DACH2: variants seen among roughly 807,000 people sequenced by gnomAD.
DACH2 encodes dachshund homolog 2.
DACH2 carries 17 observed loss-of-function variants against 35.8 expected under a neutral mutation model. That is an observed-to-expected ratio of 0.48 (90% CI 0.33 to 0.71). DACH2 has a LOEUF of 0.71. Ranked by LOEUF, DACH2 falls within the 30% of genes least tolerant of loss-of-function variation. The probability of loss-of-function intolerance (pLI) is 0.02; values close to 1 mark genes in which losing one functional copy is unlikely to be tolerated. For synonymous variants in DACH2, 195 were observed against 177.3 expected, an observed-to-expected ratio of 1.10 and a Z score of -0.79; for missense variants, 469 against 472.7, an observed-to-expected ratio of 0.99 and a Z score of 0.07.
chrX:86,220,949 C>A (rs2032696432), intron 1 of DACH2, among the ~76,000 whole-genome samples: 2 of 111,779 alleles, frequency 1.8e-5, no homozygotes, highest in East Asian at 2.8e-4. Context: ...TTTTGATGTG[C>A]ATTTCCCTGA....
chrX:86,701,084 C>T (rs2041137099), intron 5 of DACH2, among the ~76,000 whole-genome samples: 1 of 111,158 alleles, frequency 9.0e-6, no homozygotes, highest in Non-Finnish European at 1.9e-5. Flanking sequence ...GGACAATATC[C>T]TTGATGAACA....
chrX:86,467,235 C>A (rs911395729), intron 2 of DACH2, among the ~76,000 whole-genome samples: 2 of 111,427 alleles, frequency 1.8e-5, no homozygotes, highest in Admixed American at 9.6e-5. Context: ...TTAGAAATTT[C>A]TTCCACCAAA....
chrX:86,286,288 C>T (rs1438012838), intron 1 of DACH2, among the ~76,000 whole-genome samples: 13 of 107,914 alleles, frequency 1.2e-4, no homozygotes, highest in African/African-American at 3.7e-4. Context: ...CCACCGCGCC[C>T]GGCTAATTTT....
chrX:86,175,692 A>G (rs5922230), intron 1 of DACH2, among the ~76,000 whole-genome samples: 35,408 of 110,495 alleles, frequency 0.32, 4,588 homozygotes, highest in Middle Eastern at 0.46. Flanking sequence ...TACAAGTAGA[A>G]GTATCTTCCT....
chrX:86,643,548 A>G (rs373563371), intron 3 of DACH2, among the ~76,000 whole-genome samples: 3 of 111,554 alleles, frequency 2.7e-5, no homozygotes, highest in African/African-American at 9.8e-5. Flanking sequence ...AAGAGCTCAC[A>G]CAATTTCTGC....
intron 3 of DACH2, among the ~76,000 whole-genome samples, chrX:86,515,637 T>C (rs1316780212): frequency 8.9e-6 from 1 of 112,340 alleles, no homozygotes; most frequent in African/African-American, 3.2e-5. Context: ...CCAAAGTGTC[T>C]TTCAGGACTT....
chrX:86,695,187 T>C lies in DACH2; in HGVS notation c.931+8T>C. On this transcript the variant is annotated splice_region_variant and intron_variant, in intron 5 of 11. Coordinates refer to ENST00000373125, the MANE Select transcript of DACH2 (RefSeq NM_053281.3). ...ACCACCTGCTAACCAATAGTATGTA[T>C]ACTGTCCTCACAAAACTGGGTGTGT... is the stretch of plus-strand genomic sequence containing the variant. 5 of 1,006,552 alleles carry C rather than the reference T, an allele frequency of 5.0e-6. No homozygotes were observed. Among genetic ancestry groups the C allele is most frequent in the Non-Finnish European group, 6.4e-6 (5 of 784,632 alleles). 83.0% of individuals were successfully genotyped at this position (1,006,552 alleles called of 1,213,427 possible).
intron 2 of DACH2, among the ~76,000 whole-genome samples, chrX:86,398,035 G>C (rs752163565): frequency 4.5e-5 from 5 of 111,715 alleles, no homozygotes; most frequent in African/African-American, 1.6e-4. Flanking sequence ...TTTTTGGTTG[G>C]TAAGCTATTA....
chrX:86,632,024 C>T (rs375841950), intron 3 of DACH2, among the ~76,000 whole-genome samples: 29 of 111,380 alleles, frequency 2.6e-4, no homozygotes, highest in East Asian at 2.5e-3. Flanking sequence ...TCATAAAGGA[C>T]CTTAAGGACA....
At chrX:86,526,068 G>T (rs2038627260) in intron 3 of DACH2, among the ~76,000 whole-genome samples, 1 of 111,655 alleles carries the variant, frequency 9.0e-6, no homozygotes, top group Non-Finnish European at 1.9e-5. Flanking sequence ...CCTGACAAAT[G>T]ATAAGCTGCC....
At chrX:86,659,047 A>G (rs1184144624) in intron 4 of DACH2, among the ~76,000 whole-genome samples, 4 of 111,400 alleles carry the variant, frequency 3.6e-5, no homozygotes, top group Admixed American at 9.6e-5. Flanking sequence ...GCAAAGTTGA[A>G]TTAGAAAATC....
At chrX:86,603,989 A>G (rs1291553897) in intron 3 of DACH2, among the ~76,000 whole-genome samples, 1 of 111,302 alleles carries the variant, frequency 9.0e-6, no homozygotes, top group Non-Finnish European at 1.9e-5. Context: ...GTTTCCTTAA[A>G]TTACAATCAG....
At chrX:86,713,497 G>C (rs569513301) in intron 5 of DACH2, among the ~76,000 whole-genome samples, 2 of 111,638 alleles carry the variant, frequency 1.8e-5, no homozygotes, top group African/African-American at 6.5e-5. Flanking sequence ...CATAAATGCT[G>C]TCCACCATAG....
chrX:86,241,789 C>A (rs772811883), intron 1 of DACH2, among the ~76,000 whole-genome samples: 20 of 112,328 alleles, frequency 1.8e-4, no homozygotes, highest in African/African-American at 6.1e-4. Context: ...AGCCTTGGAA[C>A]ATGATGCCCT....
At chrX:86,300,609 A>G (rs1243663608) in intron 1 of DACH2, among the ~76,000 whole-genome samples, 1 of 110,962 alleles carries the variant, frequency 9.0e-6, no homozygotes, top group East Asian at 2.8e-4. Context: ...TGGGTGCAGC[A>G]CACCAACATG....
At chrX:86,196,818 C>A (rs1325668449) in intron 1 of DACH2, among the ~76,000 whole-genome samples, 1 of 108,464 alleles carries the variant, frequency 9.2e-6, no homozygotes, top group African/African-American at 3.4e-5. Flanking sequence ...GAGAGTACAA[C>A]CAACTTCTAA....
At chrX:86,330,058 A>G (rs12388064) in intron 1 of DACH2, among the ~76,000 whole-genome samples, 24,050 of 111,255 alleles carry the variant, frequency 0.22, 3,287 homozygotes, top group African/African-American at 0.51. Flanking sequence ...GAACTTTTCT[A>G]AGCACACAAG....
intron 1 of DACH2, among the ~76,000 whole-genome samples, chrX:86,228,181 A>C (rs1434076484): frequency 9.1e-6 from 1 of 109,849 alleles, no homozygotes; most frequent in Non-Finnish European, 1.9e-5. Context: ...GTGTCCTCAT[A>C]GCTTAGCTCC....
intron 4 of DACH2, among the ~76,000 whole-genome samples, chrX:86,689,599 A>G (rs987377049): frequency 8.9e-6 from 1 of 111,799 alleles, no homozygotes; most frequent in Non-Finnish European, 1.9e-5. Context: ...AGCTCGATTT[A>G]GGCTGTATGC....
Sources: gnomAD v4.1 joint callset for allele counts (sites outside exome capture counted in the v4.1 genomes callset) on GRCh38, gnomAD v4.1.1 for gene constraint, MANE v1.5 for transcripts, NCBI Gene and HGNC (gene_info 2026-07-23, HGNC 2026-07-21) for gene names.